Variants in DENND1A observed in about 807,000 individuals in gnomAD.
DENND1A encodes the protein DENN domain containing 1A.
In DENND1A, 51 loss-of-function variants were observed where a neutral mutation model predicts 113.7. The ratio of observed to expected loss-of-function variants is 0.45; its 90% CI spans 0.36 to 0.57. The LOEUF (loss-of-function observed/expected upper bound fraction) is 0.57, where lower values mean the gene tolerates loss of function less well. Ranked by LOEUF, DENND1A falls within the 20% of genes least tolerant of loss-of-function variation. The probability of loss-of-function intolerance (pLI) is 0.00; values close to 1 mark genes in which losing one functional copy is unlikely to be tolerated. For missense variants in DENND1A, 1,258 were observed against 1,395.9 expected, an observed-to-expected ratio of 0.90 and a Z score of 1.57; for synonymous variants, 565 against 570.8, an observed-to-expected ratio of 0.99 and a Z score of 0.14.
chr9:123,517,355 T>G (rs1226869905), intron 13 of DENND1A, among the ~76,000 whole-genome samples: 1 of 151,710 alleles, frequency 6.6e-6, no homozygotes, highest in African/African-American at 2.4e-5. Context: ...GCATGGTGGC[T>G]CATGCCTGTA....
intron 2 of DENND1A, among the ~76,000 whole-genome samples, chr9:123,805,702 G>A (rs1448192767): frequency 6.6e-6 from 1 of 152,004 alleles, no homozygotes; most frequent in Non-Finnish European, 1.5e-5. Flanking sequence ...CGAAAGCACT[G>A]GGATTACAGG....
chr9:123,493,045 T>C (rs904076563), intron 13 of DENND1A: 1 of 152,298 alleles, frequency 6.6e-6, no homozygotes, highest in Admixed American at 6.5e-5. Context: ...AGTGGTCTAC[T>C]ACAGGCTCAG....
intron 21 of DENND1A, among the ~76,000 whole-genome samples, chr9:123,390,946 G>A (rs1040260941): frequency 2.0e-5 from 3 of 152,260 alleles, no homozygotes; most frequent in African/African-American, 7.2e-5. Flanking sequence ...TTGGTGCAAC[G>A]CCACTGAACC....
intron 15 of DENND1A, among the ~76,000 whole-genome samples, chr9:123,455,133 C>T (rs2048020941): frequency 1.3e-5 from 2 of 152,208 alleles, no homozygotes; most frequent in African/African-American, 4.8e-5. Flanking sequence ...AAATTGCTTT[C>T]AGCATTCAGG....
chr9:123,861,268 T>G (rs1023563120), intron 2 of DENND1A, among the ~76,000 whole-genome samples: 1 of 152,208 alleles, frequency 6.6e-6, no homozygotes, highest in Admixed American at 6.5e-5. Flanking sequence ...GCAGTTAATT[T>G]CAGTCTGCAG....
chr9:123,661,880 A>G (rs1244295696), intron 8 of DENND1A, among the ~76,000 whole-genome samples: 1 of 152,230 alleles, frequency 6.6e-6, no homozygotes, highest in Admixed American at 6.5e-5. Context: ...AATAGGAGAG[A>G]AAAAACAAGA....
Position 123,853,307 on chromosome 9 carries a change from G to A in DENND1A, c.88+25644C>T, listed in dbSNP as rs201450453. Among the ~76,000 whole-genome samples the A allele has an allele frequency of 2.8e-4, 43 of 152,080 alleles. No individual in the cohort carries two copies. The East Asian group carries it at 3.3e-3, about 12-fold the overall frequency. ...AACTGTTGTACAAAAGAATAGAAGC[G>A]GGGGAGAAAATATTTCATTTGGAAC... On this transcript the variant is annotated intron_variant, in intron 2 of 23. Transcript: ENST00000394215.
chr9:123,786,223 A>AT (rs1396793521), intron 3 of DENND1A, among the ~76,000 whole-genome samples: 3 of 151,890 alleles, frequency 2.0e-5, no homozygotes. Context: ...AAAAAAAAAA[A>AT]GAAAGAAAGA....
intron 13 of DENND1A, among the ~76,000 whole-genome samples, chr9:123,517,665 C>A (rs2054053944): frequency 6.6e-6 from 1 of 151,762 alleles, no homozygotes; most frequent in South Asian, 2.1e-4. Flanking sequence ...ACAAAAAAAA[C>A]AAGAGGGGCA....
At chr9:123,754,159 A>G (rs2070318915) in intron 5 of DENND1A, among the ~76,000 whole-genome samples, 1 of 152,190 alleles carries the variant, frequency 6.6e-6, no homozygotes, top group South Asian at 2.1e-4. Flanking sequence ...CAGGTTAACT[A>G]AAGAGAAAGT....
rs534813147 is a variant in DENND1A, at chr9:123,498,494, A to T, written c.994-40597T>A. The stretch of plus-strand genomic sequence containing the variant: ...TGGGATTTCAATCCAGGTCTCTCTT[A>T]TCTCTAAGCCCATTCTTTTACTCTG... On this transcript the variant is annotated intron_variant, in intron 13 of 23. Transcript: ENST00000394215. Among the ~76,000 whole-genome samples, 3 of 152,358 alleles carry T rather than the reference A, an allele frequency of 2.0e-5. No individual in the cohort carries two copies. In the East Asian group the frequency reaches 5.8e-4, roughly 29 times the overall value.
chr9:123,502,706 G>A (rs1414084020), intron 13 of DENND1A, among the ~76,000 whole-genome samples: 3 of 152,184 alleles, frequency 2.0e-5, no homozygotes, highest in South Asian at 4.1e-4. Context: ...AATTTGTCTA[G>A]TTTTTCTTTC....
intron 12 of DENND1A, 46 bp from the exon 13 acceptor site, chr9:123,557,741 G>C (rs755041922): frequency 6.2e-7 from 1 of 1,605,870 alleles, no homozygotes; most frequent in East Asian, 2.2e-5. Context: ...CAGGGTCAAA[G>C]TAGGGTGGCT....
intron 1 of DENND1A, among the ~76,000 whole-genome samples, chr9:123,882,220 G>C (rs1848412534): frequency 6.6e-6 from 1 of 151,980 alleles, no homozygotes. Context: ...CACTGGGCCA[G>C]GCATGGTGGG....
At chr9:123,706,770 C>CAAAA (rs575483682) in intron 5 of DENND1A, among the ~76,000 whole-genome samples, 2 of 53,558 alleles carry the variant, frequency 3.7e-5, no homozygotes, top group Non-Finnish European at 7.2e-5. Flanking sequence ...GACTCCGTCT[C>CAAAA]AAAAAAAAAA....
At chr9:123,885,019 A>G (rs1848838829) in intron 1 of DENND1A, among the ~76,000 whole-genome samples, 3 of 149,514 alleles carry the variant, frequency 2.0e-5, no homozygotes. Context: ...ACACACACAC[A>G]CACACACACA....
rs1396086030 is a variant in DENND1A, at chr9:123,728,506, A to AG, written c.302+29196_302+29197insC. Among the ~76,000 whole-genome samples the AG allele has an allele frequency of 2.1e-5, 3 of 145,904 alleles. No individual in the cohort carries two copies. The East Asian group carries it at 5.8e-4, about 28-fold the overall frequency. On this transcript the variant is annotated intron_variant, in intron 5 of 23. Coordinates refer to ENST00000394215, the MANE Select transcript of DENND1A (RefSeq NM_001352964.2). ...AAAAAAAAAAAAAAAAAAAAAAAAA[A>AG]AAAACAGGCATCAGTCATCTTTACC... is the stretch of plus-strand genomic sequence containing the variant.
At chr9:123,751,919 C>T (rs1465033048) in intron 5 of DENND1A, 2 of 152,186 alleles carry the variant, frequency 1.3e-5, no homozygotes, top group Non-Finnish European at 2.9e-5. Flanking sequence ...GAACCTTACA[C>T]ATAAATATGT....
At chr9:123,761,163 T>C (rs2071007186) in intron 4 of DENND1A, among the ~76,000 whole-genome samples, 1 of 152,180 alleles carries the variant, frequency 6.6e-6, no homozygotes, top group Admixed American at 6.5e-5. Flanking sequence ...TTAGCTACCC[T>C]ACAGGCTCAG....
Sources: gnomAD v4.1 joint callset for allele counts (sites outside exome capture counted in the v4.1 genomes callset) on GRCh38, gnomAD v4.1.1 for gene constraint, MANE v1.5 for transcripts, NCBI Gene and HGNC (gene_info 2026-07-23, HGNC 2026-07-21) for gene names.